Variants in ATP2C2 observed in about 807,000 individuals in gnomAD.
The protein encoded by ATP2C2 is ATPase secretory pathway Ca2+ transporting 2, also known as calcium-transporting ATPase type 2C member 2.
In ATP2C2, 171 loss-of-function variants were observed where a neutral mutation model predicts 110.8. The ratio of observed to expected loss-of-function variants is 1.54; its 90% CI spans 1.36 to 1.75. The LOEUF (loss-of-function observed/expected upper bound fraction) is 1.75, where lower values mean the gene tolerates loss of function less well. Among genes scored for constraint, ATP2C2 ranks in the 40% most tolerant of loss-of-function variants. The pLI is 0.00. For missense variants in ATP2C2, 1,963 were observed against 1,235.0 expected (o/e 1.59, Z -8.84); for synonymous variants, 804 against 508.4 (o/e 1.58, Z -7.82).
At chr16:84,401,190 A>G (rs1200830234) in intron 2 of ATP2C2, among the ~76,000 whole-genome samples, 11 of 146,788 alleles carry the variant, frequency 7.5e-5, no homozygotes, top group Admixed American at 6.8e-4. Context: ...TGATAGTTTC[A>G]TAGTCTGTGA....
At chr16:84,454,690 G>A in intron 20 of ATP2C2, 128 bp from the exon 21 acceptor site, 1 of 971,854 alleles carries the variant, frequency 1.0e-6, no homozygotes, top group South Asian at 2.0e-5. Flanking sequence ...TAATGTGGGT[G>A]AAGCTGGGAT....
chr16:84,389,247 G>A (rs1297924712), intron 1 of ATP2C2, among the ~76,000 whole-genome samples: 2 of 152,178 alleles, frequency 1.3e-5, no homozygotes, highest in African/African-American at 4.8e-5. Context: ...CCTCAGCCCA[G>A]AAGGCCCCTC....
At position 84,461,824 on chromosome 16, in the gene ATP2C2, G is replaced by A; in HGVS notation, c.2580+12G>A. On this transcript the variant is annotated intron_variant, in intron 25 of 26. Coordinates refer to ENST00000262429, the MANE Select transcript of ATP2C2 (RefSeq NM_014861.4). ...CCTGCCGCTCTCAGGTGAGACCCGG[G>A]CTGACCCTCCTCGCTGCAGAGCTGC... 3.1e-6 allele frequency: 5 copies of A among 1,612,702 alleles called. No individual in the cohort carries two copies. The highest frequency in any genetic ancestry group is 4.2e-6 in the Non-Finnish European group (5 of 1,178,640).
intron 10 of ATP2C2, among the ~76,000 whole-genome samples, chr16:84,425,062 T>A (rs1390741923): frequency 1.3e-5 from 2 of 152,168 alleles, no homozygotes; most frequent in East Asian, 3.9e-4. Flanking sequence ...TAACAGATAC[T>A]GTGGCAGCTG....
intron 11 of ATP2C2, among the ~76,000 whole-genome samples, chr16:84,431,497 A>G (rs886841058): frequency 2.6e-5 from 4 of 152,078 alleles, no homozygotes; most frequent in African/African-American, 9.7e-5. Context: ...CTCTGTCTCA[A>G]GACGAAAAAA....
intron 1 of ATP2C2, among the ~76,000 whole-genome samples, chr16:84,391,987 A>G (rs1247966184): frequency 6.8e-6 from 1 of 148,102 alleles, no homozygotes; most frequent in Admixed American, 6.8e-5. Context: ...TTTTAATTTG[A>G]TGACATATCA....
In ATP2C2 at chr16:84,459,271, A is replaced by G. The variant is rs765704342; in HGVS notation, c.2218A>G (p.Ser740Gly). 4.3e-6 allele frequency: 7 copies of G among 1,614,076 alleles called. No homozygotes were observed. The Admixed American group carries it at 1.2e-4, about 27-fold the overall frequency. The stretch of plus-strand genomic sequence containing the variant: ...TGACTGGCTGCGTGTGCCCCGCAGG[A>G]GCATCTCCGCCCTGAGTCTCATCAC... ...KNFVRFQLST[S>G]ISALSLITLS... Residue 740 changes from serine to glycine, a missense_variant and splice_region_variant, in exon 23 of 27, where the codon AGC becomes GGC. Transcript: ENST00000262429.
At chr16:84,412,777 C>T (rs538577373) in intron 6 of ATP2C2, among the ~76,000 whole-genome samples, 33 of 151,932 alleles carry the variant, frequency 2.2e-4, no homozygotes, top group Admixed American at 1.6e-3. Context: ...CCCGAACATA[C>T]CTGGCTGCTC....
rs7206343 is a variant in ATP2C2, at chr16:84,454,817, G to A, written c.1981-1G>A. 8.2e-6 allele frequency: 13 copies of A among 1,587,476 alleles called. No individual in the cohort carries two copies. The highest frequency in any genetic ancestry group is 1.8e-4 in the Middle Eastern group (1 of 5,516). ...GCCTTCATTGCCTGCTCTTTCCAAA[G>A]GCTCTGCAGGAGTCAGGGGCGATCG... is the stretch of plus-strand genomic sequence containing the variant. On this transcript the variant is annotated splice_acceptor_variant, in intron 20 of 26. Transcript: ENST00000262429. LOFTEE classifies it high-confidence loss of function.
chr16:84,442,783 G>A (rs1168046144), intron 15 of ATP2C2, among the ~76,000 whole-genome samples, 184 bp downstream of exon 15: 1 of 152,106 alleles, frequency 6.6e-6, no homozygotes, highest in Non-Finnish European at 1.5e-5. Context: ...AGATTCCACG[G>A]GACTTCAGCA....
intron 26 of ATP2C2, 124 bp downstream of exon 26, chr16:84,462,253 G>C (rs1911453697): frequency 7.5e-7 from 1 of 1,327,028 alleles, no homozygotes; most frequent in South Asian, 1.4e-5. Context: ...CCAGGGGCCG[G>C]CTCTGTCTTC....
chr16:84,425,069 G>A (rs146957637), intron 10 of ATP2C2, among the ~76,000 whole-genome samples: 256 of 152,230 alleles, frequency 1.7e-3, no homozygotes, highest in Middle Eastern at 3.4e-3. Flanking sequence ...TACTGTGGCA[G>A]CTGCCCCCCT....
At chr16:84,411,842 CG>C (rs1309030399) in intron 6 of ATP2C2, among the ~76,000 whole-genome samples, 8 of 152,190 alleles carry the variant, frequency 5.3e-5, no homozygotes, top group Non-Finnish European at 1.2e-4. Context: ...AGAACATCTG[CG>C]GGGGCCCTTC....
intron 7 of ATP2C2, among the ~76,000 whole-genome samples, chr16:84,419,990 C>T (rs545328994): frequency 6.6e-6 from 1 of 152,104 alleles, no homozygotes; most frequent in East Asian, 1.9e-4. Context: ...CAAAGGAGGC[C>T]CAAGCTACTT....
rs1467730375 is a variant in ATP2C2, at chr16:84,460,548, TG to T, written c.2334-105del. 2.6e-6 allele frequency: 4 copies of T among 1,520,418 alleles called. No homozygotes were observed. In the African/African-American group the frequency reaches 5.5e-5, roughly 21 times the overall value. 94.2% of individuals were successfully genotyped at this position (1,520,418 alleles called of 1,614,324 possible). On this transcript the variant is annotated intron_variant, in intron 23 of 26. Coordinates refer to ENST00000262429, the MANE Select transcript of ATP2C2 (RefSeq NM_014861.4). Reference sequence around the variant, plus strand: ...GGGGCGTTCAGCAAATGCCTGGCCCTGCCCCCTGTGCCAACTTGGCCTGGGA... The same window carrying T: ...GGGGCGTTCAGCAAATGCCTGGCCCTCCCCCTGTGCCAACTTGGCCTGGGA...
intron 10 of ATP2C2, among the ~76,000 whole-genome samples, chr16:84,424,503 C>A (rs1017738882): frequency 6.6e-6 from 1 of 151,510 alleles, no homozygotes; most frequent in African/African-American, 2.4e-5. Context: ...GTCTCAAACT[C>A]CTGGTCTCAA....
intron 11 of ATP2C2, among the ~76,000 whole-genome samples, chr16:84,436,990 G>A (rs944365713): frequency 2.0e-5 from 3 of 151,902 alleles, no homozygotes; most frequent in East Asian, 3.9e-4. Flanking sequence ...TCGAACTCCC[G>A]ACCTCAGGTG....
rs768399662 is a variant in ATP2C2 at position 84,459,263 on chromosome 16, C to G, written c.2217-7C>G. 3 of 1,614,148 alleles carry G rather than the reference C, an allele frequency of 1.9e-6. No individual in the cohort carries two copies. Among genetic ancestry groups the G allele is most frequent in the South Asian group, 1.1e-5 (1 of 91,086 alleles). Reference sequence around the variant, plus strand: ...GCGGCCGCTGACTGGCTGCGTGTGCCCCGCAGGAGCATCTCCGCCCTGAGT... The same window carrying G: ...GCGGCCGCTGACTGGCTGCGTGTGCGCCGCAGGAGCATCTCCGCCCTGAGT... On this transcript the variant is annotated splice_polypyrimidine_tract_variant and splice_region_variant and intron_variant, in intron 22 of 26. Coordinates refer to ENST00000262429, the MANE Select transcript of ATP2C2 (RefSeq NM_014861.4).
At chr16:84,404,885 T>C (rs1403789400) in intron 2 of ATP2C2, 2 of 616,274 alleles carry the variant, frequency 3.2e-6, no homozygotes, top group East Asian at 6.9e-5. Context: ...TTTCCATTTG[T>C]TGAAATTTAA....
Sources: allele counts gnomAD v4.1 joint callset (sites outside exome capture counted in the v4.1 genomes callset), GRCh38; gene constraint gnomAD v4.1.1; transcripts MANE v1.5; gene names NCBI Gene and HGNC (gene_info 2026-07-23, HGNC 2026-07-21).